Variants in ANK1 observed in about 807,000 individuals in gnomAD.
ANK1 encodes the protein ankyrin-1.
In ANK1, 51 loss-of-function variants were observed where a neutral mutation model predicts 210.4. The ratio of observed to expected loss-of-function variants is 0.24; its 90% CI spans 0.19 to 0.31. ANK1 has a LOEUF of 0.31. Among genes scored for constraint, ANK1 ranks in the 10% least tolerant of loss-of-function variants. The pLI is 1.00. For missense variants in ANK1, 2,051 were observed against 2,504.4 expected (o/e 0.82, Z 3.86); for synonymous variants, 967 against 1,025.9 (o/e 0.94, Z 1.10).
intron 5 of ANK1, 122 bp downstream of exon 5, chr8:41,727,128 C>G (rs1380973680): frequency 1.3e-6 from 1 of 774,608 alleles, no homozygotes; most frequent in Admixed American, 2.0e-5. Context: ...GTGCAGCGAC[C>G]TGAAGGTCAT....
At chr8:41,778,636 G>A (rs79994965) in intron 1 of ANK1, among the ~76,000 whole-genome samples, 5,641 of 152,224 alleles carry the variant, frequency 0.037, 350 homozygotes, top group African/African-American at 0.13. Flanking sequence ...ACATAAATAC[G>A]TCTATTGTAG....
chr8:41,722,714 A>G (rs1829568074), intron 9 of ANK1, among the ~76,000 whole-genome samples: 1 of 152,226 alleles, frequency 6.6e-6, no homozygotes, highest in Non-Finnish European at 1.5e-5. Flanking sequence ...ATAGGGATTG[A>G]TCTAGAGCAG....
chr8:41,867,273 G>A (rs115416428), intron 1 of ANK1, among the ~76,000 whole-genome samples: 1 of 152,182 alleles, frequency 6.6e-6, no homozygotes, highest in Non-Finnish European at 1.5e-5. Flanking sequence ...GCTTGTTTCA[G>A]AGTGGAAGGG....
chr8:41,758,215 C>A (rs1008745161), intron 1 of ANK1, 78 bp from the exon 2 acceptor site: 31 of 1,290,808 alleles, frequency 2.4e-5, no homozygotes, highest in African/African-American at 5.8e-5. Context: ...CCCAGGCCCC[C>A]GCAGCAGCCC....
chr8:41,656,917 T>C (rs1468277180), intron 42 of ANK1, among the ~76,000 whole-genome samples: 1 of 152,170 alleles, frequency 6.6e-6, no homozygotes, highest in Non-Finnish European at 1.5e-5. Context: ...GGGTGGACAG[T>C]GCTGCCACCG....
chr8:41,791,827 G>T (rs1293992510), intron 1 of ANK1, among the ~76,000 whole-genome samples: 2 of 152,152 alleles, frequency 1.3e-5, no homozygotes, highest in African/African-American at 4.8e-5. Flanking sequence ...GGCCACAGAG[G>T]CTCCCCGCTG....
intron 42 of ANK1, among the ~76,000 whole-genome samples, chr8:41,657,883 TA>T (rs1806324771): frequency 6.6e-6 from 1 of 152,186 alleles, no homozygotes; most frequent in Non-Finnish European, 1.5e-5. Flanking sequence ...TTTCATTCTT[TA>T]TTTTTATTTC....
At chr8:41,664,037 G>A (rs193044307) in intron 39 of ANK1, 19 of 556,000 alleles carry the variant, frequency 3.4e-5, no homozygotes, top group African/African-American at 7.5e-5. Flanking sequence ...CAAGTCTGAC[G>A]GAGGAGGCCC....
At chr8:41,716,874 T>C in intron 13 of ANK1, 79 bp downstream of exon 13, 1 of 1,438,302 alleles carries the variant, frequency 7.0e-7, no homozygotes, top group East Asian at 2.3e-5. Flanking sequence ...CAGCCCCGCC[T>C]GGAATGAGGA....
intron 1 of ANK1, among the ~76,000 whole-genome samples, chr8:41,849,045 G>A (rs1022723716): frequency 2.6e-5 from 4 of 152,220 alleles, no homozygotes; most frequent in African/African-American, 9.6e-5. Context: ...GGGCACCAGG[G>A]ACTGGAATCA....
chr8:41,708,952 G>T lies in ANK1; in HGVS notation c.1824C>A (p.Ile608=). Residue 608 remains isoleucine, a synonymous_variant, in exon 17 of 43, where the codon ATC becomes ATA. Coordinates refer to ENST00000289734, the MANE Select transcript of ANK1 (RefSeq NM_000037.4). ...PAWNGYTPLH[I]AAKQNQVEVA... Reference sequence around the variant, plus strand: ...CCTCCACCTGGTTCTGCTTGGCAGCGATGTGCAAAGGGGTGTAGCCATTCT... The same window carrying T: ...CCTCCACCTGGTTCTGCTTGGCAGCTATGTGCAAAGGGGTGTAGCCATTCT... 6.2e-7 allele frequency: 1 copy of T among 1,614,030 alleles called. No individual in the cohort carries two copies. Among genetic ancestry groups the T allele is most frequent in the Non-Finnish European group, 8.5e-7 (1 of 1,180,026 alleles).
chr8:41,806,065 G>A (rs1290924959), intron 1 of ANK1, among the ~76,000 whole-genome samples: 1 of 152,172 alleles, frequency 6.6e-6, no homozygotes, highest in African/African-American at 2.4e-5. Flanking sequence ...AAGTGAAAAA[G>A]TCCAATAACA....
intron 5 of ANK1, 54 bp from the exon 6 acceptor site, chr8:41,726,000 T>A: frequency 6.3e-7 from 1 of 1,585,122 alleles, no homozygotes; most frequent in Non-Finnish European, 8.6e-7. Context: ...CAGCCGCCCT[T>A]CACACGGGAC....
chr8:41,835,663 G>A (rs1807539995), intron 1 of ANK1, among the ~76,000 whole-genome samples: 1 of 152,224 alleles, frequency 6.6e-6, no homozygotes, highest in Non-Finnish European at 1.5e-5. Flanking sequence ...TGTGCAGCCT[G>A]CACCAAGAAT....
upstream of ANK1, chr8:41,797,652 C>T: frequency 6.7e-7 from 1 of 1,502,110 alleles, no homozygotes; most frequent in Non-Finnish European, 8.9e-7. This position sits in a 1 kb window ranked among gnomAD's most constrained non-coding sequence, Gnocchi z 4.0. Flanking sequence ...GGCCAGGCCC[C>T]CGAGGGCCTT....
rs372106603 is a variant in ANK1 at position 41,672,729 on chromosome 8, G to A, written c.4721C>T (p.Thr1574Met). 84 of 1,607,590 alleles carry A rather than the reference G, an allele frequency of 5.2e-5. No homozygotes were observed. The East Asian group carries it at 1.5e-3, about 29-fold the overall frequency. ...GTCCTCAGCAGTGACCAGAGAAGGC[G>A]TGAGGCCCGCAGACCACACCTGCAT... is the stretch of plus-strand genomic sequence containing the variant. The part of the protein sequence containing the change: ...SDMQVWSAGL[T>M]PSLVTAEDSS... Residue 1574 changes from threonine (T) to methionine (M), a missense_variant, in exon 38 of 43, where the codon ACG becomes ATG. By Grantham distance (81) the Thr-to-Met change is moderately conservative. Coordinates refer to ENST00000289734, the MANE Select transcript of ANK1 (RefSeq NM_000037.4).
upstream of ANK1, among the ~76,000 whole-genome samples, chr8:41,799,592 A>G (rs531906069): frequency 1.3e-5 from 2 of 152,312 alleles, no homozygotes; most frequent in South Asian, 4.1e-4. Flanking sequence ...AGAGAGTATA[A>G]TTCCAAAGCT....
intron 2 of ANK1, among the ~76,000 whole-genome samples, chr8:41,743,647 T>G (rs1376099989): frequency 1.3e-5 from 2 of 152,148 alleles, no homozygotes; most frequent in Non-Finnish European, 2.9e-5. Context: ...GTCATCACAC[T>G]GAGCAAACAA....
intron 35 of ANK1, among the ~76,000 whole-genome samples, chr8:41,687,249 G>C (rs1156943346): frequency 6.6e-6 from 1 of 152,254 alleles, no homozygotes; most frequent in East Asian, 1.9e-4. Flanking sequence ...GCTCTGGACA[G>C]AAATACGGTT....
Sources: gnomAD v4.1 joint callset for allele counts (sites outside exome capture counted in the v4.1 genomes callset) on GRCh38, gnomAD v4.1.1 for gene constraint, Gnocchi (gnomAD v3.1) non-coding constraint, MANE v1.5 for transcripts, NCBI Gene and HGNC (gene_info 2026-07-23, HGNC 2026-07-21) for gene names.